The following ITGA9 variants were observed in gnomAD, a reference collection of about 807,000 sequenced individuals.
The protein encoded by ITGA9 is integrin alpha-9.
A neutral mutation model predicts 127.8 loss-of-function variants in ITGA9; 56 were observed. The ratio of observed to expected loss-of-function variants is 0.44; its 90% CI spans 0.35 to 0.55. The LOEUF (loss-of-function observed/expected upper bound fraction) is 0.55, where lower values mean the gene tolerates loss of function less well. Ranked by LOEUF, ITGA9 falls within the 20% of genes least tolerant of loss-of-function variation. ITGA9 has a pLI of 0.00. For missense variants in ITGA9, 1,196 were observed against 1,347.1 expected, an observed-to-expected ratio of 0.89 and a Z score of 1.76; for synonymous variants, 508 against 514.5, an observed-to-expected ratio of 0.99 and a Z score of 0.17.
chr3:37,534,713 A>G (rs1295814881), intron 14 of ITGA9, among the ~76,000 whole-genome samples: 1 of 152,284 alleles, frequency 6.6e-6, no homozygotes, highest in Non-Finnish European at 1.5e-5. Context: ...GAATGAAACC[A>G]TACCATAAAA....
rs1046530660 is a variant in ITGA9, at chr3:37,664,948, G to A, written c.1916+11158G>A. ...CCAGCTCTGAAGAAAAAATGCAGAAGTTTGTTGATTTGGAGTAGCTGGCTT... is the reference window on the plus strand; with the variant it reads ...CCAGCTCTGAAGAAAAAATGCAGAAATTTGTTGATTTGGAGTAGCTGGCTT... On this transcript the variant is annotated intron_variant, in intron 17 of 27. Coordinates refer to ENST00000264741, the MANE Select transcript of ITGA9 (RefSeq NM_002207.3). Among the ~76,000 whole-genome samples the A allele has an allele frequency of 4.8e-5, 7 of 146,966 alleles. No homozygotes were observed. In the East Asian group the frequency reaches 8.1e-4, roughly 17 times the overall value.
chr3:37,722,399 C>T (rs114468380), intron 18 of ITGA9, among the ~76,000 whole-genome samples: 84 of 152,286 alleles, frequency 5.5e-4, no homozygotes, highest in Non-Finnish European at 8.5e-4. Flanking sequence ...CATCTATTGC[C>T]AGAGTCAATT....
At chr3:37,526,609 T>C (rs955132930) in intron 13 of ITGA9, among the ~76,000 whole-genome samples, 14 of 152,338 alleles carry the variant, frequency 9.2e-5, no homozygotes, top group Non-Finnish European at 1.0e-4. Flanking sequence ...CAGAGCTTGC[T>C]GAGGCCCGTG....
intron 17 of ITGA9, among the ~76,000 whole-genome samples, chr3:37,662,165 G>T (rs1353689439): frequency 6.6e-6 from 1 of 152,138 alleles, no homozygotes; most frequent in Non-Finnish European, 1.5e-5. Context: ...ACTTTGGGCG[G>T]CTGAGGCAGA....
chr3:37,484,925 A>G (rs1412567008), intron 4 of ITGA9, among the ~76,000 whole-genome samples: 1 of 152,204 alleles, frequency 6.6e-6, no homozygotes, highest in Non-Finnish European at 1.5e-5. Flanking sequence ...TGTACAACAT[A>G]CTGTATTCTG....
chr3:37,494,304 A>T (rs1698703737), intron 4 of ITGA9, among the ~76,000 whole-genome samples, 197 bp from the exon 5 acceptor site: 1 of 152,076 alleles, frequency 6.6e-6, no homozygotes, highest in Admixed American at 6.5e-5. Flanking sequence ...TCCCTTCCCG[A>T]TGGCACCAGA....
chr3:37,512,134 CTTTTCTTTTCTTTTCTTTTCTTTTCT>C (rs1698931699), intron 8 of ITGA9, among the ~76,000 whole-genome samples: 3 of 10,362 alleles, frequency 2.9e-4, no homozygotes, highest in African/African-American at 3.6e-4. Context: ...CTTTTCTTTT[CTTTTCTTTTCTTTTCTTTTCTTTTCT>C]TTTCTTTTCT....
intron 15 of ITGA9, among the ~76,000 whole-genome samples, chr3:37,612,267 T>C (rs1235891350): frequency 2.6e-5 from 4 of 152,198 alleles, no homozygotes; most frequent in African/African-American, 9.7e-5. Flanking sequence ...AATATGCTTT[T>C]ACATACATAG....
intron 18 of ITGA9, among the ~76,000 whole-genome samples, chr3:37,696,229 T>C (rs1408875025): frequency 6.6e-6 from 1 of 152,076 alleles, no homozygotes; most frequent in African/African-American, 2.4e-5. Flanking sequence ...AGAGTGGCCA[T>C]TGGGAAGCAC....
intron 17 of ITGA9, among the ~76,000 whole-genome samples, chr3:37,664,442 T>TA (rs766043808): frequency 0.011 from 1,415 of 127,910 alleles, 7 homozygotes; most frequent in Non-Finnish European, 0.017. Flanking sequence ...TTTTTTTTTT[T>TA]AGACGGAGTT....
At chr3:37,482,005 A>G (rs913122129) in intron 4 of ITGA9, among the ~76,000 whole-genome samples, 1 of 152,164 alleles carries the variant, frequency 6.6e-6, no homozygotes, top group African/African-American at 2.4e-5. Flanking sequence ...CCTTGTCCGA[A>G]TATTCAGTGG....
chr3:37,690,248 G>A (rs1177771418), intron 18 of ITGA9, among the ~76,000 whole-genome samples: 1 of 152,202 alleles, frequency 6.6e-6, no homozygotes, highest in Non-Finnish European at 1.5e-5. Flanking sequence ...GAGAGCAAAG[G>A]AGGAGGGGCA....
intron 15 of ITGA9, among the ~76,000 whole-genome samples, chr3:37,585,936 G>C (rs1007692493): frequency 6.6e-6 from 1 of 152,188 alleles, no homozygotes; most frequent in Non-Finnish European, 1.5e-5. Context: ...TGTTTTCAAC[G>C]TGTATCCTGA....
At chr3:37,647,980 G>A (rs1001577529) in intron 16 of ITGA9, among the ~76,000 whole-genome samples, 1 of 152,122 alleles carries the variant, frequency 6.6e-6, no homozygotes. Flanking sequence ...ATGCTGCAAT[G>A]AACATGGAAA....
At chr3:37,737,573 C>T (rs1448954997) in intron 20 of ITGA9, among the ~76,000 whole-genome samples, 1 of 152,146 alleles carries the variant, frequency 6.6e-6, no homozygotes, top group Non-Finnish European at 1.5e-5. Context: ...GCCATGAGTG[C>T]CTGTGGGGGC....
chr3:37,732,665 C>T (rs202032408), intron 18 of ITGA9, 47 bp from the exon 19 acceptor site: 4 of 1,459,454 alleles, frequency 2.7e-6, no homozygotes, highest in African/African-American at 2.8e-5. Flanking sequence ...CTCCCACACA[C>T]CTGCCTTTTG....
chr3:37,702,641 A>G (rs1290602670), intron 18 of ITGA9, among the ~76,000 whole-genome samples: 1 of 152,100 alleles, frequency 6.6e-6, no homozygotes, highest in East Asian at 1.9e-4. Flanking sequence ...ACCGTCAGGC[A>G]GGAGAGGTGG....
intron 18 of ITGA9, among the ~76,000 whole-genome samples, chr3:37,692,578 G>GTT (rs1700843731): frequency 6.6e-6 from 1 of 151,982 alleles, no homozygotes; most frequent in African/African-American, 2.4e-5. Flanking sequence ...TTCAATAAAT[G>GTT]TCTGTGTTGG....
intron 4 of ITGA9, among the ~76,000 whole-genome samples, chr3:37,491,305 T>G (rs1220924176): frequency 1.3e-5 from 2 of 152,212 alleles, no homozygotes; most frequent in Non-Finnish European, 2.9e-5. Context: ...GTTAGGTTTG[T>G]TACAGTGCCT....
Sources: gnomAD v4.1 joint callset for allele counts (sites outside exome capture counted in the v4.1 genomes callset) on GRCh38, gnomAD v4.1.1 for gene constraint, MANE v1.5 for transcripts, NCBI Gene and HGNC (gene_info 2026-07-23, HGNC 2026-07-21) for gene names.